The following PLD5 variants were observed in gnomAD, a reference collection of about 807,000 sequenced individuals.
The protein encoded by PLD5 is phospholipase D family member 5.
A neutral mutation model predicts 61.1 loss-of-function variants in PLD5; 36 were observed. The ratio of observed to expected loss-of-function variants is 0.59; its 90% CI spans 0.45 to 0.78. PLD5 has a LOEUF of 0.78. PLD5 is among the 30% of genes least tolerant of loss of function. PLD5 has a pLI of 0.00. For missense variants in PLD5, 515 were observed against 644.4 expected, an observed-to-expected ratio of 0.80 and a Z score of 2.17; for synonymous variants, 243 against 242.8, an observed-to-expected ratio of 1.00 and a Z score of -0.01.
At chr1:242,480,815 C>A (rs1028836774) in intron 1 of PLD5, among the ~76,000 whole-genome samples, 1 of 152,114 alleles carries the variant, frequency 6.6e-6, no homozygotes, top group Non-Finnish European at 1.5e-5. Context: ...TACACACATA[C>A]TAAAATATCC....
chr1:242,229,874 A>G lies in PLD5; in HGVS notation c.608-9759T>C, dbSNP rs528673809. On this transcript the variant is annotated intron_variant, in intron 4 of 9. Transcript: ENST00000536534. Reference sequence around the variant, plus strand: ...AAAATGTATTTGTTTTCCTTGCCCTATGTCACTGGTAAGACCTCTAAAAAA... The same window carrying G: ...AAAATGTATTTGTTTTCCTTGCCCTGTGTCACTGGTAAGACCTCTAAAAAA... 7.3e-5 allele frequency among the ~76,000 whole-genome samples: 11 copies of G among 150,874 alleles called. No individual in the cohort carries two copies. In the South Asian group the frequency reaches 2.1e-3, roughly 29 times the overall value.
chr1:242,142,871 C>A, intron 5 of PLD5, among the ~76,000 whole-genome samples: 1 of 152,066 alleles, frequency 6.6e-6, no homozygotes, highest in Non-Finnish European at 1.5e-5. Context: ...GAATTGCAGG[C>A]ACCCACCACC....
intron 1 of PLD5, chr1:242,377,433 G>A: frequency 1.2e-6 from 1 of 840,320 alleles, no homozygotes; most frequent in Non-Finnish European, 2.0e-6. Flanking sequence ...GTCTTCTTTT[G>A]TTTCCTCCTC....
At chr1:242,104,792 A>G (rs1051444724) in intron 8 of PLD5, among the ~76,000 whole-genome samples, 2 of 152,208 alleles carry the variant, frequency 1.3e-5, no homozygotes, top group Admixed American at 1.3e-4. Context: ...AAACACTGGG[A>G]CTACAGGCAT....
chr1:242,369,222 G>A (rs948045261), intron 1 of PLD5, among the ~76,000 whole-genome samples: 3 of 152,130 alleles, frequency 2.0e-5, no homozygotes, highest in African/African-American at 7.2e-5. Flanking sequence ...GCATGAGTTT[G>A]GAAACAATTC....
chr1:242,387,290 C>T (rs1425157953), intron 1 of PLD5, among the ~76,000 whole-genome samples: 3 of 152,164 alleles, frequency 2.0e-5, no homozygotes, highest in African/African-American at 4.8e-5. Context: ...AGAAAATAGT[C>T]AAGATCCTCC....
chr1:242,443,412 A>G (rs1212447904), intron 1 of PLD5, among the ~76,000 whole-genome samples: 2 of 152,162 alleles, frequency 1.3e-5, no homozygotes, highest in African/African-American at 4.8e-5. Flanking sequence ...GGCCACATCA[A>G]GGAAGGTGAA....
chr1:242,411,132 G>A (rs748103383), intron 1 of PLD5, among the ~76,000 whole-genome samples: 4 of 152,144 alleles, frequency 2.6e-5, no homozygotes, highest in Non-Finnish European at 5.9e-5. Context: ...TCAAGTAGAA[G>A]GACCCCTTGA....
chr1:242,155,467 G>C (rs1287356427), intron 5 of PLD5, among the ~76,000 whole-genome samples: 1 of 152,030 alleles, frequency 6.6e-6, no homozygotes, highest in Non-Finnish European at 1.5e-5. Context: ...GATCTTTCCT[G>C]CTTTCTCTTG....
intron 4 of PLD5, among the ~76,000 whole-genome samples, chr1:242,248,038 A>T (rs1451905205): frequency 5.9e-5 from 9 of 152,174 alleles, no homozygotes; most frequent in Admixed American, 3.3e-4. Context: ...GCTGCTTTTT[A>T]TCAAGTTGGT....
chr1:242,332,559 T>A (rs535772605), intron 2 of PLD5, among the ~76,000 whole-genome samples: 151 of 152,344 alleles, frequency 9.9e-4, no homozygotes, highest in African/African-American at 2.1e-3. Context: ...TTTTCCTGAC[T>A]TTTTAATGCT....
chr1:242,167,078 G>A (rs2636245), intron 5 of PLD5, among the ~76,000 whole-genome samples: 9,215 of 58,570 alleles, frequency 0.16, 393 homozygotes, highest in African/African-American at 0.34. Flanking sequence ...AATAATAATA[G>A]TAATAATAAT....
chr1:242,294,683 AG>A (rs769329284), intron 2 of PLD5, among the ~76,000 whole-genome samples: 23 of 152,310 alleles, frequency 1.5e-4, no homozygotes, highest in Middle Eastern at 3.4e-3. Context: ...AGCAGAAAAA[AG>A]GTTATTACAA....
intron 4 of PLD5, among the ~76,000 whole-genome samples, chr1:242,260,084 C>T (rs866203898): frequency 4.4e-4 from 67 of 152,184 alleles, no homozygotes; most frequent in African/African-American, 1.4e-3. Flanking sequence ...TGGGGTGGCT[C>T]ACGCCTGTAC....
intron 5 of PLD5, among the ~76,000 whole-genome samples, chr1:242,174,630 CAA>C (rs1309944063): frequency 6.6e-6 from 1 of 152,160 alleles, no homozygotes; most frequent in Non-Finnish European, 1.5e-5. Flanking sequence ...TTCACAATAG[CAA>C]AGACTTGGAA....
chr1:242,358,891 T>G (rs1251554654), intron 1 of PLD5, among the ~76,000 whole-genome samples: 1 of 152,122 alleles, frequency 6.6e-6, no homozygotes, highest in East Asian at 1.9e-4. Context: ...GCAGATCTAG[T>G]GTCTACTTGT....
chr1:242,096,625 A>AGCC (rs1660252591), intron 9 of PLD5, among the ~76,000 whole-genome samples: 2 of 149,654 alleles, frequency 1.3e-5, no homozygotes, highest in Admixed American at 1.3e-4. Flanking sequence ...TACAAGGGTG[A>AGCC]GCCACCATAC....
intron 5 of PLD5, among the ~76,000 whole-genome samples, chr1:242,192,969 C>T (rs909682594): frequency 3.3e-5 from 5 of 151,856 alleles, no homozygotes; most frequent in Admixed American, 2.0e-4. Context: ...CCCCAATACC[C>T]CTCTTCTCTC....
intron 1 of PLD5, among the ~76,000 whole-genome samples, chr1:242,381,473 T>C (rs1342250498): frequency 6.6e-6 from 1 of 152,102 alleles, no homozygotes; most frequent in African/African-American, 2.4e-5. Context: ...GGTTGATCTG[T>C]ACAGCAAGCC....
Sources: gnomAD v4.1 joint callset for allele counts (sites outside exome capture counted in the v4.1 genomes callset) on GRCh38, gnomAD v4.1.1 for gene constraint, MANE v1.5 for transcripts, NCBI Gene and HGNC (gene_info 2026-07-23, HGNC 2026-07-21) for gene names.